TEK: variants seen among roughly 807,000 people sequenced by gnomAD.
The protein encoded by TEK is angiopoietin-1 receptor.
A neutral mutation model predicts 131.8 loss-of-function variants in TEK; 43 were observed. That is an observed-to-expected ratio of 0.33 (90% confidence interval 0.26 to 0.42). The LOEUF (loss-of-function observed/expected upper bound fraction) is 0.42, where lower values mean the gene tolerates loss of function less well. Among genes scored for constraint, TEK ranks in the 10% least tolerant of loss-of-function variants. The probability of loss-of-function intolerance (pLI) is 1.00; values close to 1 mark genes in which losing one functional copy is unlikely to be tolerated. For missense variants in TEK, 1,162 were observed against 1,384.4 expected, an observed-to-expected ratio of 0.84 and a Z score of 2.55; for synonymous variants, 580 against 491.6, an observed-to-expected ratio of 1.18 and a Z score of -2.38.
chr9:27,143,691 G>A (rs866726753), intron 1 of TEK, among the ~76,000 whole-genome samples: 25 of 152,240 alleles, frequency 1.6e-4, no homozygotes, highest in African/African-American at 4.3e-4. Flanking sequence ...ATGTACACAC[G>A]CACATTGTCT....
intron 15 of TEK, among the ~76,000 whole-genome samples, chr9:27,207,446 T>C (rs1248216336): frequency 6.6e-6 from 1 of 152,262 alleles, no homozygotes; most frequent in East Asian, 1.9e-4. Context: ...AACCACTGAC[T>C]TAAGGTCATA....
At chr9:27,181,312 TTGTC>T (rs946969936) in intron 7 of TEK, among the ~76,000 whole-genome samples, 7 of 152,146 alleles carry the variant, frequency 4.6e-5, no homozygotes, top group African/African-American at 1.4e-4. Context: ...GCTACACAGT[TTGTC>T]TGTGAGTTTT....
intron 1 of TEK, among the ~76,000 whole-genome samples, chr9:27,130,626 C>CTTTTTT (rs571794271): frequency 4.1e-5 from 5 of 121,850 alleles, no homozygotes; most frequent in Non-Finnish European, 6.8e-5. Flanking sequence ...GATTAAAGTA[C>CTTTTTT]TTTTTTTTTT....
rs946608774 is a variant in TEK at position 27,229,812 on chromosome 9, C to G, written c.*580C>G. The G allele has an allele frequency of 1.3e-5, 2 of 159,028 alleles. No homozygotes were observed. The highest frequency in any genetic ancestry group is 4.8e-5 in the African/African-American group (2 of 41,494). 9.9% of individuals were successfully genotyped at this position (159,028 alleles called of 1,614,324 possible). ...CGTTTCATTTAGTCATGTGACCACTCTGTCTTGTGTTTCCACAGCCTGCAA... is the reference window on the plus strand; with the variant it reads ...CGTTTCATTTAGTCATGTGACCACTGTGTCTTGTGTTTCCACAGCCTGCAA... On this transcript the variant is annotated 3_prime_UTR_variant, in exon 23 of 23. Transcript: ENST00000380036.
At chr9:27,159,481 A>C (rs1823466178) in intron 2 of TEK, among the ~76,000 whole-genome samples, 1 of 152,158 alleles carries the variant, frequency 6.6e-6, no homozygotes, top group South Asian at 2.1e-4. Context: ...TTTGCAGGCT[A>C]CCATTTTTGG....
At chr9:27,193,620 C>T (rs1824903784) in intron 11 of TEK, among the ~76,000 whole-genome samples, 1 of 152,110 alleles carries the variant, frequency 6.6e-6, no homozygotes, top group African/African-American at 2.4e-5. Flanking sequence ...TTGAATTGTT[C>T]ACTGTGTATA....
chr9:27,190,506 C>G (rs927600338), intron 9 of TEK, 23 bp from the exon 10 acceptor site: 1 of 1,613,674 alleles, frequency 6.2e-7, no homozygotes, highest in African/African-American at 1.3e-5. Flanking sequence ...AAGGACTAAT[C>G]TGCCTTCTGA....
chr9:27,215,493 A>T (rs1005974159), intron 18 of TEK, among the ~76,000 whole-genome samples: 1 of 151,734 alleles, frequency 6.6e-6, no homozygotes, highest in African/African-American at 2.4e-5. Context: ...AAAGATCCCC[A>T]GATGATTGAG....
intron 14 of TEK, among the ~76,000 whole-genome samples, chr9:27,205,921 C>A (rs1251788636): frequency 1.3e-5 from 2 of 152,082 alleles, no homozygotes; most frequent in East Asian, 3.9e-4. Flanking sequence ...AGAGCTGGCT[C>A]AATTCAGGCT....
At chr9:27,123,557 TTATC>T in intron 1 of TEK, among the ~76,000 whole-genome samples, 1 of 152,342 alleles carries the variant, frequency 6.6e-6, no homozygotes, top group South Asian at 2.1e-4. Context: ...ACATAAAAGA[TTATC>T]TAGCCCAGTG....
Position 27,204,944 on chromosome 9 carries a change from T to C in TEK, c.2243T>C (p.Leu748Pro). 1 of 1,614,082 alleles carries C rather than the reference T, an allele frequency of 6.2e-7. No individual in the cohort carries two copies. Among genetic ancestry groups the C allele is most frequent in the Non-Finnish European group, 8.5e-7 (1 of 1,179,924 alleles). Reference sequence around the variant, plus strand: ...GACCTCGGAGGGGGGAAGATGCTGCTTATAGCCATCCTTGGCTCTGCTGGA... The same window carrying C: ...GACCTCGGAGGGGGGAAGATGCTGCCTATAGCCATCCTTGGCTCTGCTGGA... The part of the protein sequence containing the change: ...PADLGGGKML[L>P]IAILGSAGMT... The change falls in exon 14 of 23, where the codon CTT becomes CCT. Residue 748 changes from leucine to proline, a missense_variant. Leu to Pro is a moderately conservative substitution (Grantham distance 98). This residue lies in a region of TEK where 477 missense variants were observed against 471.0 expected (regional missense o/e 1.01). Coordinates refer to ENST00000380036, the MANE Select transcript of TEK (RefSeq NM_000459.5).
chr9:27,217,597 GC>G, intron 18 of TEK, 90 bp from the exon 19 acceptor site: 2 of 1,110,118 alleles, frequency 1.8e-6, no homozygotes, highest in Non-Finnish European at 2.8e-6. Flanking sequence ...AGTCTACCCA[GC>G]AATCATTTGT....
At chr9:27,128,915 A>G (rs1051763800) in intron 1 of TEK, among the ~76,000 whole-genome samples, 2 of 152,192 alleles carry the variant, frequency 1.3e-5, no homozygotes, top group African/African-American at 2.4e-5. Flanking sequence ...CAGTCATTTC[A>G]TCTGCAAACA....
chr9:27,195,218 AT>A (rs1824961981), intron 11 of TEK, among the ~76,000 whole-genome samples: 1 of 152,162 alleles, frequency 6.6e-6, no homozygotes, highest in Admixed American at 6.5e-5. Flanking sequence ...AAGAAAATGC[AT>A]GCCTAGCTGC....
chr9:27,223,285 A>G (rs1008031599), intron 21 of TEK, among the ~76,000 whole-genome samples: 2 of 152,224 alleles, frequency 1.3e-5, no homozygotes, highest in Non-Finnish European at 2.9e-5. Flanking sequence ...CCTAATAGAC[A>G]TCTACAGAAC....
intron 18 of TEK, among the ~76,000 whole-genome samples, chr9:27,215,449 A>G (rs557483288): frequency 6.8e-4 from 104 of 152,216 alleles, no homozygotes; most frequent in African/African-American, 2.2e-3. Flanking sequence ...CAGATTTTCA[A>G]TTCTCATTGT....
chr9:27,139,345 T>TTC (rs1822633097), intron 1 of TEK, among the ~76,000 whole-genome samples: 2 of 134,542 alleles, frequency 1.5e-5, no homozygotes, highest in Non-Finnish European at 3.2e-5. Flanking sequence ...TTTTTTTTTT[T>TTC]GAGACTGAGT....
In TEK at chr9:27,121,150, C is replaced by T. The variant is rs1424535933; in HGVS notation, c.52+11508C>T. On this transcript the variant is annotated intron_variant, in intron 1 of 22. Coordinates refer to ENST00000380036, the MANE Select transcript of TEK (RefSeq NM_000459.5). ...CAGCCTGACCAACATGGCGAAACCC[C>T]GCCTCTACTAAAAATACAAAAAAAA... Among the ~76,000 whole-genome samples, 3 of 151,928 alleles carry T rather than the reference C, an allele frequency of 2.0e-5. No individual in the cohort carries two copies. In the East Asian group the frequency reaches 5.8e-4, roughly 29 times the overall value.
intron 3 of TEK, 121 bp downstream of exon 3, chr9:27,168,726 T>A: frequency 5.1e-6 from 4 of 779,470 alleles, no homozygotes; most frequent in Non-Finnish European, 8.8e-6. Context: ...GCTGCTATGA[T>A]GCAAGCTTTC....
Sources: allele counts gnomAD v4.1 joint callset (sites outside exome capture counted in the v4.1 genomes callset), GRCh38; gene constraint gnomAD v4.1.1; regional missense constraint gnomAD v4.1.1; transcripts MANE v1.5; gene names NCBI Gene and HGNC (gene_info 2026-07-23, HGNC 2026-07-21).